Variants in THADA observed in about 807,000 individuals in gnomAD.
THADA encodes THADA armadillo repeat containing, also known as tRNA (32-2'-O)-methyltransferase regulator THADA.
In THADA, 213 loss-of-function variants were observed where a neutral mutation model predicts 219.8. That is an observed-to-expected ratio of 0.97 (90% CI 0.87 to 1.09). The LOEUF (loss-of-function observed/expected upper bound fraction) is 1.09. Among genes scored for constraint, THADA ranks in the 50% least tolerant of loss-of-function variants. The probability of loss-of-function intolerance (pLI) is 0.00; values close to 1 mark genes in which losing one functional copy is unlikely to be tolerated. For missense variants in THADA, 2,956 were observed against 2,311.3 expected, an observed-to-expected ratio of 1.28 and a Z score of -5.72; for synonymous variants, 1,018 against 828.9, an observed-to-expected ratio of 1.23 and a Z score of -3.92.
rs1228748924 is a variant in THADA, at chr2:43,581,835, T to G, written c.627A>C (p.Gln209His). The G allele has an allele frequency of 3.7e-6, 6 of 1,612,980 alleles. No individual in the cohort carries two copies. In the Admixed American group the frequency reaches 8.4e-5, roughly 22 times the overall value. ...RVSMMLVQKV[Q>H]DFQGNLWKTS... ...TCTTCCAAAGATTTCCCTGGAAATC[T>G]TGTACTTTCTGTACTAACATCATTG... The change falls in exon 8 of 38, where the codon CAA (glutamine) becomes CAC (histidine). Residue 209 changes from glutamine (Q) to histidine (H), a missense_variant. Coordinates refer to ENST00000405975, the MANE Select transcript of THADA (RefSeq NM_022065.5).
intron 30 of THADA, among the ~76,000 whole-genome samples, chr2:43,325,024 A>ATCCTG (rs1679157970): frequency 6.6e-6 from 1 of 152,210 alleles, no homozygotes; most frequent in South Asian, 2.1e-4. Flanking sequence ...CCTGTTAAGA[A>ATCCTG]TCCTGTTTTC....
At chr2:43,505,287 C>A (rs779426460) in intron 24 of THADA, among the ~76,000 whole-genome samples, 7 of 151,642 alleles carry the variant, frequency 4.6e-5, no homozygotes, top group Non-Finnish European at 1.0e-4. Context: ...ATATATTCAA[C>A]TAAAGCAACG....
chr2:43,530,525 C>T (rs1288509682), intron 21 of THADA, among the ~76,000 whole-genome samples: 1 of 152,132 alleles, frequency 6.6e-6, no homozygotes, highest in East Asian at 1.9e-4. Context: ...ATTAGAGAAA[C>T]AAGAGATTTC....
At chr2:43,558,470 A>G (rs976962191) in intron 16 of THADA, among the ~76,000 whole-genome samples, 8 of 152,204 alleles carry the variant, frequency 5.3e-5, no homozygotes, top group Admixed American at 5.2e-4. Flanking sequence ...TTAATATTTC[A>G]ATCAGTGGAC....
intron 30 of THADA, among the ~76,000 whole-genome samples, chr2:43,328,294 G>A (rs904827449): frequency 6.6e-6 from 1 of 152,218 alleles, no homozygotes; most frequent in Non-Finnish European, 1.5e-5. Flanking sequence ...GCTGGCAGAA[G>A]CTTGTAGGGC....
intron 36 of THADA, among the ~76,000 whole-genome samples, chr2:43,245,229 G>A (rs1414153254): frequency 2.2e-5 from 3 of 133,998 alleles, no homozygotes; most frequent in Non-Finnish European, 3.0e-5. Flanking sequence ...CTGGAGTGCA[G>A]TGGTGTGATC....
intron 26 of THADA, among the ~76,000 whole-genome samples, chr2:43,439,374 G>A (rs1047092848): frequency 1.3e-5 from 2 of 152,072 alleles, no homozygotes; most frequent in Non-Finnish European, 2.9e-5. Context: ...ATCTCTTACT[G>A]TGCCTAATTT....
chr2:43,489,266 G>C (rs1687309982), intron 25 of THADA, among the ~76,000 whole-genome samples: 1 of 152,114 alleles, frequency 6.6e-6, no homozygotes, highest in Non-Finnish European at 1.5e-5. Context: ...CTGCAGCCTT[G>C]AATTCCTGGG....
intron 31 of THADA, among the ~76,000 whole-genome samples, chr2:43,298,823 G>A (rs1675906369): frequency 6.6e-6 from 1 of 152,136 alleles, no homozygotes; most frequent in African/African-American, 2.4e-5. Flanking sequence ...GCATGCTGAT[G>A]AGTGTAATGA....
chr2:43,536,055 GC>G (rs1404999353), intron 21 of THADA, among the ~76,000 whole-genome samples: 3 of 152,088 alleles, frequency 2.0e-5, no homozygotes, highest in African/African-American at 2.4e-5. Flanking sequence ...GCCCGCCTCA[GC>G]CTCCCAAAGT....
intron 7 of THADA, 102 bp downstream of exon 7, chr2:43,586,299 G>T: frequency 1.0e-6 from 1 of 954,816 alleles, no homozygotes; most frequent in Non-Finnish European, 1.5e-6. Flanking sequence ...TTAATGAAAA[G>T]GGATGAAAAG....
intron 35 of THADA, among the ~76,000 whole-genome samples, chr2:43,282,131 A>T (rs1407260251): frequency 6.6e-6 from 1 of 152,170 alleles, no homozygotes; most frequent in Admixed American, 6.5e-5. Context: ...TTCCACACAC[A>T]TTTTACCTGT....
At chr2:43,358,264 A>G (rs546858518) in intron 29 of THADA, among the ~76,000 whole-genome samples, 1 of 152,252 alleles carries the variant, frequency 6.6e-6, no homozygotes, top group African/African-American at 2.4e-5. Context: ...TATATTCTCT[A>G]ACTCCCTACT....
chr2:43,492,895 C>A (rs1687816331), intron 25 of THADA, among the ~76,000 whole-genome samples: 1 of 152,184 alleles, frequency 6.6e-6, no homozygotes, highest in South Asian at 2.1e-4. Flanking sequence ...CCATATAGTA[C>A]ATATGAGTGA....
At chr2:43,293,356 T>C (rs1221574185) in intron 31 of THADA, 143 bp from the exon 32 acceptor site, 1 of 931,504 alleles carries the variant, frequency 1.1e-6, no homozygotes, top group Non-Finnish European at 1.6e-6. Flanking sequence ...CATAAGTGAG[T>C]GGCCCTCTAA....
At chr2:43,449,012 T>C (rs866066854) in intron 26 of THADA, among the ~76,000 whole-genome samples, 2 of 152,022 alleles carry the variant, frequency 1.3e-5, no homozygotes, top group African/African-American at 2.4e-5. Context: ...GACTTGATGG[T>C]AGAGACAAAG....
chr2:43,239,480 A>C (rs10203499), intron 36 of THADA, among the ~76,000 whole-genome samples: 16,615 of 152,292 alleles, frequency 0.11, 948 homozygotes, highest in Admixed American at 0.14. Flanking sequence ...ATTAATTTCT[A>C]GGCAGGTAGA....
At chr2:43,483,445 T>C (rs1013123077) in intron 26 of THADA, among the ~76,000 whole-genome samples, 2 of 152,210 alleles carry the variant, frequency 1.3e-5, no homozygotes, top group Non-Finnish European at 2.9e-5. Context: ...TATATCTTCA[T>C]GGGTTAAACA....
At chr2:43,566,565 C>G in intron 15 of THADA, 133 bp downstream of exon 15, 2 of 989,810 alleles carry the variant, frequency 2.0e-6, no homozygotes, top group Non-Finnish European at 3.2e-6. Context: ...TATGTACAAG[C>G]AAGAATTATA....
Sources: allele counts gnomAD v4.1 joint callset (sites outside exome capture counted in the v4.1 genomes callset), GRCh38; gene constraint gnomAD v4.1.1; transcripts MANE v1.5; gene names NCBI Gene and HGNC (gene_info 2026-07-23, HGNC 2026-07-21).